Variants in SOD2 observed in about 807,000 individuals in gnomAD.
The protein encoded by SOD2 is superoxide dismutase [Mn], mitochondrial.
A neutral mutation model predicts 27.0 loss-of-function variants in SOD2; 11 were observed. The observed-to-expected ratio is 0.41, with a 90% CI of 0.26 to 0.67. The LOEUF (loss-of-function observed/expected upper bound fraction) is 0.67. Among genes scored for constraint, SOD2 ranks in the 30% least tolerant of loss-of-function variants. The probability of loss-of-function intolerance (pLI) is 0.34; values close to 1 mark genes in which losing one functional copy is unlikely to be tolerated. For synonymous variants in SOD2, 105 were observed against 103.0 expected (o/e 1.02, Z -0.12); for missense variants, 250 against 274.5 (o/e 0.91, Z 0.63).
In SOD2 at chr6:159,674,674, T is replaced by C. The variant is rs1779737740; in HGVS notation, c.*7819A>G. 1 of 152,242 alleles carries C rather than the reference T, an allele frequency of 6.6e-6. No individual in the cohort carries two copies. The allele number at this position is 152,242 out of a possible 1,614,324, so 9.4% of individuals were successfully genotyped here. ...GGGCAAAAACTGGAAGCATTCCCTT[T>C]GAAAACTGGCACAAGACAGGGATGC... On this transcript the variant is annotated 3_prime_UTR_variant, in exon 5 of 5. Coordinates refer to ENST00000538183, the MANE Select transcript of SOD2 (RefSeq NM_000636.4).
chr6:159,761,716 A>T, exon 1 of SOD2: 1 of 368,248 alleles, frequency 2.7e-6, no homozygotes, highest in Non-Finnish European at 5.4e-6. Flanking sequence ...AAAAAGCCCA[A>T]GACGTCAAGT....
chr6:159,712,941 G>A, intron 1 of SOD2: 1 of 620,516 alleles, frequency 1.6e-6, no homozygotes, highest in Non-Finnish European at 3.0e-6. Flanking sequence ...CTGTACCTGT[G>A]CTGCATATTA....
At chr6:159,727,484 C>T (rs1304473509), upstream of SOD2, 10 of 992,650 alleles carry the variant, frequency 1.0e-5, no homozygotes, top group African/African-American at 1.8e-4. Context: ...CGGGGCGGGG[C>T]CGGGCGGCGG....
chr6:159,693,665 CGG>C (rs1425865850), upstream of SOD2, among the ~76,000 whole-genome samples: 2 of 152,206 alleles, frequency 1.3e-5, no homozygotes, highest in Non-Finnish European at 2.9e-5. Context: ...CGGGGGGCCG[CGG>C]GGTCCAGAGG....
At chr6:159,685,149 A>ATTTTGTCG (rs1433791166) in intron 3 of SOD2, 116 bp from the exon 4 acceptor site, 1 of 549,146 alleles carries the variant, frequency 1.8e-6, no homozygotes, top group Non-Finnish European at 2.8e-6. Flanking sequence ...AAATTAGACA[A>ATTTTGTCG]CATCAGAATG....
chr6:159,728,487 G>A (rs185050501), upstream of SOD2, among the ~76,000 whole-genome samples: 15 of 152,162 alleles, frequency 9.9e-5, no homozygotes, highest in Non-Finnish European at 2.1e-4. Context: ...GTTACAATTG[G>A]AAGTTGTATT....
At chr6:159,759,513 T>C (rs1244279962) in intron 1 of SOD2, among the ~76,000 whole-genome samples, 3 of 151,502 alleles carry the variant, frequency 2.0e-5, no homozygotes, top group Non-Finnish European at 4.4e-5. Flanking sequence ...TTACTAAAAA[T>C]ATAAAAATTA....
intron 3 of SOD2, among the ~76,000 whole-genome samples, chr6:159,687,535 T>C (rs1780248654): frequency 6.6e-6 from 1 of 152,008 alleles, no homozygotes. Context: ...TAATATGAAG[T>C]ACCATCCAGA....
Position 159,684,844 on chromosome 6 carries a change from T to A in SOD2, c.523+10A>T. On this transcript the variant is annotated intron_variant, in intron 4 of 4. Transcript: ENST00000538183. ...CTCTCCCAAATGAAATCACAATTTT[T>A]AAATCTAACCTGTTGTTCCTTGCAG... 1 of 1,600,188 alleles carries A rather than the reference T, an allele frequency of 6.2e-7. No individual in the cohort carries two copies. Among genetic ancestry groups the A allele is most frequent in the Non-Finnish European group, 8.5e-7 (1 of 1,172,310 alleles).
At position 159,672,295 on chromosome 6, in the gene SOD2, T is replaced by C. The variant is rs540515758; in HGVS notation, c.*10198A>G. ...AACTCCAAGACACATAATTGTCAGA[T>C]TCACCAAAGTTGAAATGAAGGAAAA... On this transcript the variant is annotated 3_prime_UTR_variant, in exon 5 of 5. Transcript: ENST00000538183. 4.6e-5 allele frequency: 7 copies of C among 152,260 alleles called. No individual in the cohort carries two copies. The highest frequency in any genetic ancestry group is 2.1e-4 in the South Asian group (1 of 4,824). The allele number at this position is 152,260 out of a possible 1,614,324, so 9.4% of individuals were successfully genotyped here.
intron 1 of SOD2, among the ~76,000 whole-genome samples, chr6:159,758,910 C>A (rs1780068000): frequency 6.6e-6 from 1 of 152,096 alleles, no homozygotes; most frequent in Non-Finnish European, 1.5e-5. Context: ...GCTGAGAAGG[C>A]CCCTTCAGGA....
chr6:159,734,321 C>T (rs13206677), intron 1 of SOD2, among the ~76,000 whole-genome samples: 1,505 of 148,754 alleles, frequency 0.01, 18 homozygotes, highest in Non-Finnish European at 0.015. Flanking sequence ...CCTCAAGTAG[C>T]TTTCGAGATG....
upstream of SOD2, among the ~76,000 whole-genome samples, chr6:159,697,801 C>T (rs1777450103): frequency 6.6e-6 from 1 of 152,198 alleles, no homozygotes; most frequent in South Asian, 2.1e-4. Context: ...ACAGTTGACC[C>T]CTGAATGATG....
upstream of SOD2, chr6:159,748,877 C>T: frequency 2.5e-6 from 3 of 1,200,632 alleles, no homozygotes; most frequent in South Asian, 8.6e-5. The surrounding 1 kb of genome is among the most constrained non-coding windows in gnomAD (Gnocchi z 5.6). Flanking sequence ...TCAGTTTTGC[C>T]AATAAGACTG....
At chr6:159,760,761 A>G (rs569601482) in intron 1 of SOD2, 1 of 152,400 alleles carries the variant, frequency 6.6e-6, no homozygotes, top group South Asian at 2.1e-4. Context: ...TAAGCCCACA[A>G]AGACTCAGAA....
intron 1 of SOD2, among the ~76,000 whole-genome samples, chr6:159,706,540 A>C (rs1458026467): frequency 1.3e-5 from 2 of 152,224 alleles, no homozygotes; most frequent in African/African-American, 2.4e-5. Flanking sequence ...CATAATGGTA[A>C]AGGGATCAAT....
upstream of SOD2, among the ~76,000 whole-genome samples, chr6:159,749,755 A>G (rs1417728281): frequency 3.9e-5 from 6 of 152,330 alleles, no homozygotes; most frequent in South Asian, 6.2e-4. Context: ...GTGAATTGAA[A>G]AAAGGTATAG....
upstream of SOD2, among the ~76,000 whole-genome samples, chr6:159,730,078 C>T (rs1778474731): frequency 6.6e-6 from 1 of 152,160 alleles, no homozygotes; most frequent in South Asian, 2.1e-4. Context: ...TAAAACTAGT[C>T]AATCATGTTA....
At chr6:159,747,133 A>G (rs1779622199), upstream of SOD2, among the ~76,000 whole-genome samples, 1 of 152,206 alleles carries the variant, frequency 6.6e-6, no homozygotes, top group Admixed American at 6.5e-5. Flanking sequence ...ATCCTATTTA[A>G]GCCTTAGTAT....
Sources: allele counts gnomAD v4.1 joint callset (sites outside exome capture counted in the v4.1 genomes callset), GRCh38; gene constraint gnomAD v4.1.1; non-coding constraint Gnocchi (gnomAD v3.1); transcripts MANE v1.5; gene names NCBI Gene and HGNC (gene_info 2026-07-23, HGNC 2026-07-21).